Variants in ESCO1 observed in about 807,000 individuals in gnomAD.
ESCO1 encodes the protein N-acetyltransferase ESCO1.
Under a neutral mutation model 83.5 loss-of-function variants are expected in ESCO1, and 33 were observed. The observed-to-expected ratio is 0.40, with a 90% confidence interval of 0.30 to 0.53. ESCO1 has a LOEUF of 0.53. ESCO1 is among the 20% of genes least tolerant of loss of function. The pLI, the probability that ESCO1 is intolerant of heterozygous loss-of-function variation, is 0.63. For synonymous variants in ESCO1, 332 were observed against 324.3 expected, an observed-to-expected ratio of 1.02 and a Z score of -0.25; for missense variants, 855 against 968.0, an observed-to-expected ratio of 0.88 and a Z score of 1.55.
Position 21,573,759 on chromosome 18 carries a change from C to T in ESCO1, c.1085G>A (p.Cys362Tyr), listed in dbSNP as rs2038374455. Residue 362 changes from cysteine to tyrosine, a missense_variant, in exon 4 of 12, where the codon TGT becomes TAT. Coordinates refer to ENST00000269214, the MANE Select transcript of ESCO1 (RefSeq NM_052911.3). ...HQKETNQDVQ[C>Y]NRFFPSRKTK... ...TTTTCTACTTGGGAAAAAACGATTA[C>T]ATTGCACATCCTGATTTGTTTCCTT... 1.2e-6 allele frequency: 2 copies of T among 1,614,036 alleles called. No individual in the cohort carries two copies. Among genetic ancestry groups the T allele is most frequent in the African/African-American group, 1.3e-5 (1 of 74,934 alleles).
intron 6 of ESCO1, among the ~76,000 whole-genome samples, chr18:21,565,152 T>C (rs1598465965): frequency 1.3e-5 from 2 of 151,894 alleles, no homozygotes; most frequent in African/African-American, 2.4e-5. Context: ...TAATTTTCAG[T>C]AAAAAAACAA....
chr18:21,557,966 CTTTT>C (rs2038133368), intron 8 of ESCO1, among the ~76,000 whole-genome samples: 1 of 150,672 alleles, frequency 6.6e-6, no homozygotes, highest in Non-Finnish European at 1.5e-5. Context: ...AGTTTTTTGG[CTTTT>C]TTGTTTTTTG....
At chr18:21,566,456 T>C (rs2038261482) in intron 5 of ESCO1, among the ~76,000 whole-genome samples, 1 of 152,212 alleles carries the variant, frequency 6.6e-6, no homozygotes, top group Non-Finnish European at 1.5e-5. Flanking sequence ...TTGCCTCTAA[T>C]TTAACCAGCA....
At chr18:21,572,309 A>T (rs2038351717) in intron 4 of ESCO1, among the ~76,000 whole-genome samples, 1 of 152,260 alleles carries the variant, frequency 6.6e-6, no homozygotes, top group African/African-American at 2.4e-5. Context: ...TTCTATGCAT[A>T]TAAAATTTCT....
chr18:21,568,264 G>C (rs761717842), intron 4 of ESCO1, among the ~76,000 whole-genome samples, 170 bp from the exon 5 acceptor site: 2 of 151,842 alleles, frequency 1.3e-5, no homozygotes, highest in African/African-American at 4.8e-5. Flanking sequence ...TCACCATCAG[G>C]GCCCATTATT....
chr18:21,533,353 T>C (rs1177790983), intron 10 of ESCO1, among the ~76,000 whole-genome samples: 1 of 152,166 alleles, frequency 6.6e-6, no homozygotes, highest in African/African-American at 2.4e-5. Flanking sequence ...TGGAGTACAG[T>C]GGTGCGATCT....
intron 9 of ESCO1, 97 bp from the exon 10 acceptor site, chr18:21,536,282 A>AG: frequency 7.4e-7 from 1 of 1,348,134 alleles, no homozygotes; most frequent in East Asian, 2.5e-5. Context: ...TATTCCAAGC[A>AG]GGGCATCCTC....
At chr18:21,535,289 A>T (rs1336360782) in intron 10 of ESCO1, among the ~76,000 whole-genome samples, 2 of 150,302 alleles carry the variant, frequency 1.3e-5, no homozygotes, top group Non-Finnish European at 2.9e-5. Flanking sequence ...ACCTTGGCTC[A>T]CTACAACCTC....
At chr18:21,587,970 T>C (rs2038605749) in intron 1 of ESCO1, among the ~76,000 whole-genome samples, 1 of 151,654 alleles carries the variant, frequency 6.6e-6, no homozygotes, top group Non-Finnish European at 1.5e-5. Context: ...ATGCCGATAG[T>C]CCCAGCTACT....
chr18:21,535,416 T>G (rs1179224990), intron 10 of ESCO1, among the ~76,000 whole-genome samples: 1 of 150,496 alleles, frequency 6.6e-6, no homozygotes, highest in Non-Finnish European at 1.5e-5. Context: ...GACCGAGTCT[T>G]GTGTCGCCCA....
At chr18:21,571,939 T>C (rs1398896295) in intron 4 of ESCO1, among the ~76,000 whole-genome samples, 2 of 152,192 alleles carry the variant, frequency 1.3e-5, no homozygotes, top group African/African-American at 4.8e-5. Context: ...CTTCTCCCTT[T>C]AAGAAAAATA....
intron 8 of ESCO1, among the ~76,000 whole-genome samples, chr18:21,542,882 G>C (rs977529771): frequency 2.0e-5 from 3 of 152,212 alleles, no homozygotes; most frequent in African/African-American, 7.2e-5. Flanking sequence ...AGGCAGAGGA[G>C]AAGCAGGGTT....
chr18:21,560,248 A>G (rs1203403171), intron 8 of ESCO1, among the ~76,000 whole-genome samples: 2 of 152,112 alleles, frequency 1.3e-5, no homozygotes, highest in Non-Finnish European at 2.9e-5. Flanking sequence ...CACAAATATT[A>G]AATAATACCC....
At position 21,574,818 on chromosome 18, in the gene ESCO1, T is replaced by G. The variant is rs767355403; in HGVS notation, c.26A>C (p.Lys9Thr). 28 of 1,592,562 alleles carry G rather than the reference T, an allele frequency of 1.8e-5. No individual in the cohort carries two copies. Among genetic ancestry groups the G allele is most frequent in the Non-Finnish European group, 2.0e-5 (24 of 1,177,806 alleles). MMSIQEKS[K>T]ENSSKVTKKS... ...TTTAGTAACTTTGGAGGAATTCTCT[T>G]TTGATTTCTCCTGAATGGACATCAT... Residue 9 changes from lysine (K) to threonine (T), a missense_variant, in exon 4 of 12, where the codon AAA becomes ACA. Around this residue, in one of 2 missense-constraint regions of ESCO1, gnomAD observed 726 missense variants for 699.5 expected, o/e 1.04. Coordinates refer to ENST00000269214, the MANE Select transcript of ESCO1 (RefSeq NM_052911.3).
intron 8 of ESCO1, among the ~76,000 whole-genome samples, chr18:21,544,713 A>G (rs1429179764): frequency 6.6e-6 from 1 of 152,176 alleles, no homozygotes; most frequent in Non-Finnish European, 1.5e-5. Context: ...AATAATTGGG[A>G]AAGTTAGATG....
intron 11 of ESCO1, 22 bp from the exon 12 acceptor site, chr18:21,530,512 G>A: frequency 6.9e-6 from 10 of 1,440,764 alleles, no homozygotes; most frequent in South Asian, 2.6e-5. Context: ...AAATGGGGGG[G>A]GGGAAGGGTT....
intron 8 of ESCO1, among the ~76,000 whole-genome samples, chr18:21,546,545 T>C (rs2037976163): frequency 6.6e-6 from 1 of 152,162 alleles, no homozygotes; most frequent in Non-Finnish European, 1.5e-5. Context: ...ATTGTTTTAG[T>C]AGGTTTTGGT....
chr18:21,566,920 T>C (rs1184417892), intron 5 of ESCO1, among the ~76,000 whole-genome samples: 1 of 152,020 alleles, frequency 6.6e-6, no homozygotes, highest in Non-Finnish European at 1.5e-5. Context: ...AATAAGCAAT[T>C]CATTTTATTT....
intron 8 of ESCO1, among the ~76,000 whole-genome samples, chr18:21,541,444 T>G (rs982128520): frequency 6.6e-6 from 1 of 152,014 alleles, no homozygotes; most frequent in Non-Finnish European, 1.5e-5. Flanking sequence ...TATTGTATTT[T>G]TAGGCGGGTG....
Sources: gnomAD v4.1 joint callset for allele counts (sites outside exome capture counted in the v4.1 genomes callset) on GRCh38, gnomAD v4.1.1 for gene constraint, gnomAD v4.1.1 regional missense constraint, MANE v1.5 for transcripts, NCBI Gene and HGNC (gene_info 2026-07-23, HGNC 2026-07-21) for gene names.